Variants in PARP3 observed in about 807,000 individuals in gnomAD.
PARP3 encodes poly(ADP-ribose) polymerase family member 3.
PARP3 carries 46 observed loss-of-function variants against 58.2 expected under a neutral mutation model. That is an observed-to-expected ratio of 0.79 (90% CI 0.62 to 1.01). The LOEUF (loss-of-function observed/expected upper bound fraction) is 1.01. Ranked by LOEUF, PARP3 falls within the 50% of genes least tolerant of loss-of-function variation. PARP3 has a pLI of 0.00. For missense variants in PARP3, 663 were observed against 683.9 expected (o/e 0.97, Z 0.34); for synonymous variants, 252 against 266.4 (o/e 0.95, Z 0.53).
rs374472117 is a variant in PARP3, at chr3:51,946,271, A to G, written c.1204A>G (p.Met402Val). The part of the protein sequence containing the change: ...AAILTSGLRI[M>V]PHSGGRVGKG... ...CATCCTCACTAGTGGGCTCCGCATC[A>G]TGCCACATTCTGGTGGGCGTGTTGG... Residue 402 changes from methionine to valine, a missense_variant, in exon 9 of 11, where the codon ATG (methionine) becomes GTG (valine). Met to Val is a conservative substitution (Grantham distance 21). Coordinates refer to ENST00000398755, the MANE Select transcript of PARP3 (RefSeq NM_001003931.4). The surrounding 1 kb of genome is among the most constrained non-coding windows in gnomAD (Gnocchi z 4.6). 98 of 1,613,930 alleles carry G rather than the reference A, an allele frequency of 6.1e-5. No homozygotes were observed. The highest frequency in any genetic ancestry group is 7.6e-5 in the Non-Finnish European group (90 of 1,179,966).
intron 1 of PARP3, 56 bp from the exon 2 acceptor site, chr3:51,943,298 T>C: frequency 3.4e-6 from 5 of 1,463,846 alleles, no homozygotes; most frequent in Non-Finnish European, 4.6e-6. Flanking sequence ...TGAGAGTGGG[T>C]CGTTGGGGAT....
rs765913848 is a variant in PARP3 at position 51,944,065 on chromosome 3, C to T, written c.184-24C>T. The T allele has an allele frequency of 2.3e-5, 37 of 1,608,408 alleles. No homozygotes were observed. The highest frequency in any genetic ancestry group is 1.7e-4 in the Middle Eastern group (1 of 6,052). ...ACCCCATCTGACCCCAGCCAGCCTG[C>T]CCCCCACCTCCCCTCTGGCCCAGGT... On this transcript the variant is annotated intron_variant, in intron 2 of 10. Transcript: ENST00000398755. This position sits in a 1 kb window ranked among gnomAD's most constrained non-coding sequence, Gnocchi z 4.2.
chr3:51,944,645 T>G lies in PARP3; in HGVS notation c.501+67T>G. 6.3e-7 allele frequency: 1 copy of G among 1,585,850 alleles called. No individual in the cohort carries two copies. Among genetic ancestry groups the G allele is most frequent in the Non-Finnish European group, 8.6e-7 (1 of 1,161,234 alleles). ...AGGGGACTCGTTGGAGAGTTCCCGC[T>G]GGTTGGGCTCTGCCACTGCCCAGCT... On this transcript the variant is annotated intron_variant, in intron 4 of 10. Coordinates refer to ENST00000398755, the MANE Select transcript of PARP3 (RefSeq NM_001003931.4). This position sits in a 1 kb window ranked among gnomAD's most constrained non-coding sequence, Gnocchi z 4.2.
rs549396480 is a variant in PARP3, at chr3:51,947,609, G to A, written c.1277-131G>A. 7.4e-6 allele frequency: 7 copies of A among 942,318 alleles called. No homozygotes were observed. The Admixed American group carries it at 1.1e-4, about 15-fold the overall frequency. The allele number at this position is 942,318 out of a possible 1,614,324, so 58.4% of individuals were successfully genotyped here. ...AGGCCGGGACAAGGAGGGAGTGACG[G>A]TTGGGGGAGAGTGAGCCTTTTCTTG... On this transcript the variant is annotated intron_variant, in intron 9 of 10. Transcript: ENST00000398755.
Position 51,947,730 on chromosome 3 carries a change from T to A in PARP3, c.1277-10T>A. On this transcript the variant is annotated splice_polypyrimidine_tract_variant and intron_variant, in intron 9 of 10. Transcript: ENST00000398755. ...TGAGCTGCCCACCGGTGCCTCCCTG[T>A]GTCTTGCAGTTATTGGCATGAAGTG... 6.2e-7 allele frequency: 1 copy of A among 1,613,970 alleles called. No homozygotes were observed. Among genetic ancestry groups the A allele is most frequent in the Non-Finnish European group, 8.5e-7 (1 of 1,179,918 alleles).
At position 51,944,673 on chromosome 3, in the gene PARP3, G is replaced by A. The variant is rs916573089; in HGVS notation, c.501+95G>A. On this transcript the variant is annotated intron_variant, in intron 4 of 10. Transcript: ENST00000398755. This position sits in a 1 kb window ranked among gnomAD's most constrained non-coding sequence, Gnocchi z 4.2. ...TTGGGCTCTGCCACTGCCCAGCTGC[G>A]CAGCCTCAGCCACAGAACTCCCCTC... 1.9e-5 allele frequency: 30 copies of A among 1,572,360 alleles called. No individual in the cohort carries two copies. The highest frequency in any genetic ancestry group is 1.4e-4 in the African/African-American group (10 of 74,012).
At chr3:51,945,963 C>T in intron 8 of PARP3, 24 bp downstream of exon 8, 2 of 1,578,448 alleles carry the variant, frequency 1.3e-6, no homozygotes, top group African/African-American at 1.3e-5. Context: ...CCCCACCTCT[C>T]CCCCATCACC....
chr3:51,948,259 G>A (rs780896938), intron 10 of PARP3, 52 bp from the exon 11 acceptor site: 13 of 1,553,372 alleles, frequency 8.4e-6, no homozygotes, highest in Admixed American at 5.5e-5. Flanking sequence ...TTACTCGTAA[G>A]GCCTGGGACC....
intron 10 of PARP3, 50 bp downstream of exon 10, chr3:51,947,945 A>G (rs772795800): frequency 7.0e-6 from 11 of 1,574,652 alleles, no homozygotes; most frequent in Non-Finnish European, 9.6e-6. Context: ...GGGCCGAGAT[A>G]GGGGCTGGGA....
chr3:51,943,671 T>C (rs1414883387), intron 2 of PARP3, 133 bp downstream of exon 2: 1 of 822,408 alleles, frequency 1.2e-6, no homozygotes, highest in African/African-American at 1.7e-5. Flanking sequence ...CAAGGCCATG[T>C]TCTCCTGACC....
At position 51,943,382 on chromosome 3, in the gene PARP3, A is replaced by G. The variant is rs1297461250; in HGVS notation, c.27A>G (p.Val9=). Residue 9 remains valine, a synonymous_variant, in exon 2 of 11, where the codon GTA becomes GTG. Transcript: ENST00000398755. MAPKPKPW[V]QTEGPEKKKG... ...TGGCTCCAAAGCCGAAGCCCTGGGT[A>G]CAGACTGAGGGCCCTGAGAAGAAGA... 4.4e-6 allele frequency: 7 copies of G among 1,596,008 alleles called. No individual in the cohort carries two copies. The South Asian group carries it at 4.5e-5, about 10-fold the overall frequency.
At position 51,946,247 on chromosome 3, in the gene PARP3, A is replaced by G. The variant is rs751503675; in HGVS notation, c.1180A>G (p.Ile394Val). 6.8e-6 allele frequency: 11 copies of G among 1,614,088 alleles called. No individual in the cohort carries two copies. The highest frequency in any genetic ancestry group is 1.7e-6 in the Non-Finnish European group (2 of 1,179,948). The part of the protein sequence containing the change: ...HGTNMAVVAA[I>V]LTSGLRIMPH... ...CACCAACATGGCCGTGGTGGCCGCC[A>G]TCCTCACTAGTGGGCTCCGCATCAT... The change falls in exon 9 of 11, where the codon ATC becomes GTC. Residue 394 changes from isoleucine to valine, a missense_variant. Ile to Val is a conservative substitution (Grantham distance 29). Transcript: ENST00000398755. This position sits in a 1 kb window ranked among gnomAD's most constrained non-coding sequence, Gnocchi z 4.6.
At position 51,946,364 on chromosome 3, in the gene PARP3, A is replaced by G; in HGVS notation, c.1276+21A>G. The G allele has an allele frequency of 6.4e-7, 1 of 1,574,188 alleles. No individual in the cohort carries two copies. Among genetic ancestry groups the G allele is most frequent in the Non-Finnish European group, 8.6e-7 (1 of 1,159,192 alleles). On this transcript the variant is annotated intron_variant, in intron 9 of 10. Coordinates refer to ENST00000398755, the MANE Select transcript of PARP3 (RefSeq NM_001003931.4). This position sits in a 1 kb window ranked among gnomAD's most constrained non-coding sequence, Gnocchi z 4.6. ...ATATGGTGAGGTGCCCCTCTGGGCCAAGCCCTGGGAGGGTTGGCACTAAGA... is the reference window on the plus strand; with the variant it reads ...ATATGGTGAGGTGCCCCTCTGGGCCGAGCCCTGGGAGGGTTGGCACTAAGA...
At chr3:51,943,645 C>T in intron 2 of PARP3, 107 bp downstream of exon 2, 1 of 1,034,076 alleles carries the variant, frequency 9.7e-7, no homozygotes, top group East Asian at 2.6e-5. Flanking sequence ...CCAAGGCCCC[C>T]AGGTAAGCGC....
chr3:51,947,845 G>A lies in PARP3; in HGVS notation c.1382G>A (p.Ser461Asn), dbSNP rs1171456408. Residue 461 changes from serine to asparagine, a missense_variant, in exon 10 of 11, where the codon AGC (serine) becomes AAC (asparagine). Around this residue, in one of 3 missense-constraint regions of PARP3, gnomAD observed 88 missense variants for 109.1 expected, o/e 0.81. Coordinates refer to ENST00000398755, the MANE Select transcript of PARP3 (RefSeq NM_001003931.4). ...AACACGGACAACCCCAGCTTGAAGA[G>A]CCCACCTCCTGGCTTCGACAGTGTC... is the stretch of plus-strand genomic sequence containing the variant. ...HINTDNPSLK[S>N]PPPGFDSVIA... The A allele has an allele frequency of 6.2e-7, 1 of 1,613,970 alleles. No individual in the cohort carries two copies. Among genetic ancestry groups the A allele is most frequent in the Non-Finnish European group, 8.5e-7 (1 of 1,180,026 alleles).
chr3:51,944,213 G>A lies in PARP3; in HGVS notation c.308G>A (p.Arg103His), dbSNP rs1047814977. Residue 103 changes from arginine to histidine, a missense_variant, in exon 3 of 11, where the codon CGT becomes CAT. Around this residue, in one of 3 missense-constraint regions of PARP3, gnomAD observed 567 missense variants for 553.6 expected, o/e 1.02. Transcript: ENST00000398755. The surrounding 1 kb of genome is among the most constrained non-coding windows in gnomAD (Gnocchi z 4.2). ...TTCACCTGCTGGAACCGCTGGGGCC[G>A]TGTGGTGAGTGCCCTGCCTGCTCTG... ...RFFTCWNRWG[R>H]VGEVGQSKIN... 25 of 1,613,842 alleles carry A rather than the reference G, an allele frequency of 1.5e-5. No homozygotes were observed. Among genetic ancestry groups the A allele is most frequent in the Admixed American group, 1.2e-4 (7 of 59,996 alleles).
chr3:51,945,216 A>G lies in PARP3; in HGVS notation c.853A>G (p.Met285Val). Residue 285 changes from methionine to valine, a missense_variant, in exon 6 of 11, where the codon ATG (methionine) becomes GTG (valine). This residue lies in a region of PARP3 where 567 missense variants were observed against 553.6 expected (regional missense o/e 1.02). Coordinates refer to ENST00000398755, the MANE Select transcript of PARP3 (RefSeq NM_001003931.4). ...SPELLQAKKDMLLVLADIELA... is the reference protein window; with the variant it reads ...SPELLQAKKDVLLVLADIELA... ...TGAGCTTCTGCAGGCCAAGAAGGAC[A>G]TGCTGCTGGTGAGGGCTGGCAGGGG... The G allele has an allele frequency of 6.2e-7, 1 of 1,613,562 alleles. No homozygotes were observed. The highest frequency in any genetic ancestry group is 1.1e-5 in the South Asian group (1 of 91,074).
rs774274539 is a variant in PARP3 at position 51,945,660 on chromosome 3, C to G, written c.1011+16C>G. On this transcript the variant is annotated intron_variant, in intron 7 of 10. Coordinates refer to ENST00000398755, the MANE Select transcript of PARP3 (RefSeq NM_001003931.4). Reference sequence around the variant, plus strand: ...TGAGTACAAGGTGAGTTGGGCCCCACAGAGGGGCCAGGCTATCAGTGGGCA... The same window carrying G: ...TGAGTACAAGGTGAGTTGGGCCCCAGAGAGGGGCCAGGCTATCAGTGGGCA... 3 of 1,612,970 alleles carry G rather than the reference C, an allele frequency of 1.9e-6. No homozygotes were observed. Among genetic ancestry groups the G allele is most frequent in the Non-Finnish European group, 2.5e-6 (3 of 1,179,596 alleles).
Position 51,944,064 on chromosome 3 carries a change from G to GC in PARP3, c.184-19dup. On this transcript the variant is annotated intron_variant, in intron 2 of 10. Transcript: ENST00000398755. This position sits in a 1 kb window ranked among gnomAD's most constrained non-coding sequence, Gnocchi z 4.2. ...CACCCCATCTGACCCCAGCCAGCCTGCCCCCCACCTCCCCTCTGGCCCAGG... is the reference window on the plus strand; with the variant it reads ...CACCCCATCTGACCCCAGCCAGCCTGCCCCCCCACCTCCCCTCTGGCCCAGG... The GC allele has an allele frequency of 6.2e-7, 1 of 1,608,200 alleles. No homozygotes were observed.
Sources: allele counts gnomAD v4.1 joint callset, GRCh38; gene constraint gnomAD v4.1.1; regional missense constraint gnomAD v4.1.1; non-coding constraint Gnocchi (gnomAD v3.1); transcripts MANE v1.5; gene names NCBI Gene and HGNC (gene_info 2026-07-23, HGNC 2026-07-21).